The following RPH3A variants were observed in gnomAD, a reference collection of about 807,000 sequenced individuals.
RPH3A encodes rabphilin 3A.
In RPH3A, 48 loss-of-function variants were observed where a neutral mutation model predicts 102.2. The observed-to-expected ratio is 0.47, with a 90% confidence interval of 0.37 to 0.60. RPH3A has a LOEUF of 0.60. Among genes scored for constraint, RPH3A ranks in the 20% least tolerant of loss-of-function variants. RPH3A has a pLI of 0.00. For missense variants in RPH3A, 781 were observed against 910.1 expected, an observed-to-expected ratio of 0.86 and a Z score of 1.83; for synonymous variants, 310 against 324.3, an observed-to-expected ratio of 0.96 and a Z score of 0.47.
chr12:112,832,937 CTTT>C (rs71086121), intron 3 of RPH3A, among the ~76,000 whole-genome samples: 12 of 131,722 alleles, frequency 9.1e-5, no homozygotes, highest in Admixed American at 1.6e-4. Context: ...TTATTTCACT[CTTT>C]TTTTTTTTTT....
intron 2 of RPH3A, among the ~76,000 whole-genome samples, chr12:112,816,035 G>A (rs1022179438): frequency 2.0e-5 from 3 of 152,172 alleles, no homozygotes; most frequent in Non-Finnish European, 4.4e-5. Flanking sequence ...ACCCAGGGGA[G>A]GAAGGAAAAG....
chr12:112,784,977 C>G, intron 1 of RPH3A, among the ~76,000 whole-genome samples: 1 of 152,306 alleles, frequency 6.6e-6, no homozygotes, highest in Middle Eastern at 3.4e-3. Flanking sequence ...AATCCCAGCA[C>G]TTTGGGAGGC....
chr12:112,621,217 A>G (rs2039720602), intron 1 of RPH3A, among the ~76,000 whole-genome samples: 1 of 152,038 alleles, frequency 6.6e-6, no homozygotes. Context: ...AAGATGGCCG[A>G]ATAGGAACAG....
intron 5 of RPH3A, among the ~76,000 whole-genome samples, chr12:112,852,375 G>A (rs1259560726): frequency 6.6e-6 from 1 of 152,206 alleles, no homozygotes; most frequent in Non-Finnish European, 1.5e-5. Flanking sequence ...TGTGCATGCA[G>A]AGGAGGAAGG....
At chr12:112,682,351 C>CTTTT (rs1314037530) in intron 1 of RPH3A, among the ~76,000 whole-genome samples, 27 of 77,632 alleles carry the variant, frequency 3.5e-4, no homozygotes, top group African/African-American at 9.1e-4. Context: ...TTTTTTCTTT[C>CTTTT]TTTCTTTTTT....
intron 1 of RPH3A, among the ~76,000 whole-genome samples, chr12:112,732,105 C>T (rs1049702375): frequency 6.6e-6 from 1 of 152,142 alleles, no homozygotes; most frequent in African/African-American, 2.4e-5. Flanking sequence ...CGCAAACAAG[C>T]GTTTCTGGAG....
chr12:112,876,546 G>A lies in RPH3A; in HGVS notation c.947-96G>A, dbSNP rs764937935. ...CACTGCATATCCACTGATTCCGGGT[G>A]AAGCCAGGAATCCGCATCTTTTGAA... On this transcript the variant is annotated intron_variant, in intron 12 of 21. Coordinates refer to ENST00000389385, the MANE Select transcript of RPH3A (RefSeq NM_001143854.2). 6.9e-6 allele frequency: 6 copies of A among 863,950 alleles called. No individual in the cohort carries two copies. In the South Asian group the frequency reaches 9.5e-5, roughly 14 times the overall value. 53.5% of individuals were successfully genotyped at this position (863,950 alleles called of 1,614,324 possible). A position where few individuals can be genotyped will look rare whatever the true frequency, so the allele number is the denominator to read the frequency against.
chr12:112,875,154 T>A lies in RPH3A; in HGVS notation c.867T>A (p.Pro289=). The A allele has an allele frequency of 6.2e-7, 1 of 1,603,486 alleles. No homozygotes were observed. Residue 289 remains proline, a synonymous_variant, in exon 11 of 22, where the codon CCT becomes CCA. Transcript: ENST00000389385. ...APGSVQSPAP[P]QPGQPGTPGG... is the part of the protein sequence containing the mutation. ...GCTCGGTGCAGAGCCCAGCGCCACC[T>A]CAGCCTGGGCAGCCAGGTACCTGCC...
intron 1 of RPH3A, among the ~76,000 whole-genome samples, chr12:112,590,957 G>C (rs1466688065): frequency 2.0e-5 from 3 of 152,160 alleles, no homozygotes; most frequent in Non-Finnish European, 4.4e-5. Flanking sequence ...ACCACACCCA[G>C]CTAATTTTAA....
At chr12:112,856,770 G>A (rs1299318823) in intron 5 of RPH3A, among the ~76,000 whole-genome samples, 1 of 152,178 alleles carries the variant, frequency 6.6e-6, no homozygotes, top group Non-Finnish European at 1.5e-5. Flanking sequence ...ATAACTAGCA[G>A]CAACCATTAC....
At chr12:112,757,767 G>A (rs892145217) in intron 1 of RPH3A, among the ~76,000 whole-genome samples, 1 of 152,140 alleles carries the variant, frequency 6.6e-6, no homozygotes, top group Admixed American at 6.5e-5. Flanking sequence ...TGGGTCTATA[G>A]GCTTTAGGTA....
At chr12:112,833,411 C>T (rs1227934585) in intron 3 of RPH3A, among the ~76,000 whole-genome samples, 1 of 152,166 alleles carries the variant, frequency 6.6e-6, no homozygotes, top group Non-Finnish European at 1.5e-5. Flanking sequence ...ATTTGTCTTT[C>T]TTGCAGATTT....
intron 1 of RPH3A, among the ~76,000 whole-genome samples, chr12:112,594,431 C>A (rs969218002): frequency 7.2e-5 from 11 of 152,146 alleles, no homozygotes; most frequent in African/African-American, 2.7e-4. Context: ...ATGCAGTCAT[C>A]TTTCTTCCAT....
At chr12:112,815,908 G>C (rs569916267) in intron 2 of RPH3A, among the ~76,000 whole-genome samples, 1 of 152,192 alleles carries the variant, frequency 6.6e-6, no homozygotes, top group Non-Finnish European at 1.5e-5. Context: ...GCAAGTTTCC[G>C]CTTTATCAAG....
intron 1 of RPH3A, among the ~76,000 whole-genome samples, chr12:112,767,198 G>C (rs2040895930): frequency 1.3e-5 from 2 of 152,152 alleles, no homozygotes; most frequent in South Asian, 4.1e-4. Context: ...TAAGGGCAGG[G>C]ACCATGTCTT....
intron 19 of RPH3A, chr12:112,894,316 T>C: frequency 2.0e-6 from 1 of 501,702 alleles, no homozygotes; most frequent in Non-Finnish European, 3.5e-6. Context: ...CTTCTGCCTC[T>C]CTGGATCTCA....
chr12:112,710,412 G>A (rs939638307), intron 1 of RPH3A, among the ~76,000 whole-genome samples: 1 of 152,204 alleles, frequency 6.6e-6, no homozygotes, highest in Non-Finnish European at 1.5e-5. Flanking sequence ...GGGTAGGAGG[G>A]GCGGTTTGAA....
Position 112,739,302 on chromosome 12 carries a change from C to G in RPH3A, c.-139-52841C>G, listed in dbSNP as rs868028835. ...TTGAACACCTGCATGAACTCAACTG[C>G]TCTCTAAATTTTAGATCAACTTTGT... On this transcript the variant is annotated intron_variant, in intron 1 of 21. Coordinates refer to the RPH3A transcript ENST00000543106. 9.3e-4 allele frequency among the ~76,000 whole-genome samples: 142 copies of G among 152,320 alleles called. 1 individual carries two copies. Among genetic ancestry groups the G allele is most frequent in the African/African-American group, 3.2e-3 (135 of 41,566 alleles).
chr12:112,820,808 C>A (rs953775541), intron 2 of RPH3A, among the ~76,000 whole-genome samples: 22 of 152,156 alleles, frequency 1.4e-4, no homozygotes, highest in African/African-American at 5.3e-4. Context: ...TATTTAGAGG[C>A]TCATGGCAGG....
Sources: allele counts gnomAD v4.1 joint callset (sites outside exome capture counted in the v4.1 genomes callset), GRCh38; gene constraint gnomAD v4.1.1; transcripts MANE v1.5; gene names NCBI Gene and HGNC (gene_info 2026-07-23, HGNC 2026-07-21).